The following C10orf90 variants were observed in gnomAD, a reference collection of about 807,000 sequenced individuals.
C10orf90 encodes the protein (E2-independent) E3 ubiquitin-conjugating enzyme FATS.
In C10orf90, 56 loss-of-function variants were observed where a neutral mutation model predicts 62.5. The observed-to-expected ratio is 0.90, with a 90% confidence interval of 0.72 to 1.12. The LOEUF (loss-of-function observed/expected upper bound fraction) is 1.12, where lower values mean the gene tolerates loss of function less well. Among genes scored for constraint, C10orf90 ranks in the 50% most tolerant of loss-of-function variants. The pLI, the probability that C10orf90 is intolerant of heterozygous loss-of-function variation, is 0.00. For synonymous variants in C10orf90, 386 were observed against 340.4 expected (o/e 1.13, Z -1.47); for missense variants, 970 against 880.4 (o/e 1.10, Z -1.29).
intron 2 of C10orf90, among the ~76,000 whole-genome samples, chr10:126,609,371 C>G (rs1037089853): frequency 6.6e-6 from 1 of 152,184 alleles, no homozygotes; most frequent in South Asian, 2.1e-4. Context: ...CCATTGCACT[C>G]CAGCCTGGGC....
rs769865231 is a variant in C10orf90 at position 126,504,987 on chromosome 10, G to A, written c.504C>T (p.Pro168=). 1.2e-6 allele frequency: 2 copies of A among 1,614,232 alleles called. No individual in the cohort carries two copies. The highest frequency in any genetic ancestry group is 1.7e-6 in the Non-Finnish European group (2 of 1,180,036). ...NKSRENRASL[P]LPCAIAQSRA... is the part of the protein sequence containing the mutation. ...GAGACTGAGCAATGGCACACGGTAG[G>A]GGCAAGGAGGCCCTGTTTTCTCTTG... The change falls in exon 4 of 10, where the codon CCC becomes CCT. Residue 168 remains proline, a synonymous_variant. Coordinates refer to ENST00000488181, the MANE Select transcript of C10orf90 (RefSeq NM_001350921.2). The surrounding 1 kb of genome is among the most constrained non-coding windows in gnomAD (Gnocchi z 4.1).
chr10:126,609,017 T>C (rs1247244435), intron 2 of C10orf90, among the ~76,000 whole-genome samples: 4 of 152,216 alleles, frequency 2.6e-5, no homozygotes, highest in Admixed American at 6.5e-5. Context: ...ATTCTGTCCC[T>C]GCCACTTACA....
intron 1 of C10orf90, among the ~76,000 whole-genome samples, chr10:126,657,409 C>T (rs1396257844): frequency 3.9e-5 from 6 of 152,174 alleles, no homozygotes; most frequent in African/African-American, 7.2e-5. Flanking sequence ...AGTACAACAA[C>T]GTTTGTCCCT....
chr10:126,452,609 T>C (rs1859277052), intron 7 of C10orf90, among the ~76,000 whole-genome samples: 1 of 152,214 alleles, frequency 6.6e-6, no homozygotes, highest in African/African-American at 2.4e-5. Context: ...TGTTTTTACC[T>C]TACATTATTT....
chr10:126,504,307 G>T lies in C10orf90; in HGVS notation c.1184C>A (p.Ser395Tyr). The change falls in exon 4 of 10, where the codon TCC (serine) becomes TAC (tyrosine). Residue 395 changes from serine (S) to tyrosine (Y), a missense_variant. Ser to Tyr is a moderately radical substitution (Grantham distance 144). Coordinates refer to ENST00000488181, the MANE Select transcript of C10orf90 (RefSeq NM_001350921.2). The surrounding 1 kb of genome is among the most constrained non-coding windows in gnomAD (Gnocchi z 4.1). ...SVLSLNLNCS[S>Y]HRLTADGVDG... ...TACTCCATCTGCTGTTAATCTGTGG[G>T]AACTACAATTGAGGTTGAGCGACAG... The T allele has an allele frequency of 6.2e-7, 1 of 1,614,166 alleles. No homozygotes were observed. The highest frequency in any genetic ancestry group is 8.5e-7 in the Non-Finnish European group (1 of 1,180,036).
intron 2 of C10orf90, among the ~76,000 whole-genome samples, chr10:126,559,779 T>C (rs1006996682): frequency 1.3e-5 from 2 of 152,248 alleles, no homozygotes; most frequent in Non-Finnish European, 2.9e-5. Flanking sequence ...GGATACTTTA[T>C]ATAACAGCTT....
intron 2 of C10orf90, among the ~76,000 whole-genome samples, chr10:126,601,237 C>A (rs1157946327): frequency 6.6e-6 from 1 of 152,138 alleles, no homozygotes; most frequent in Non-Finnish European, 1.5e-5. Context: ...TACAAACCAG[C>A]ACATGTGTGG....
chr10:126,667,770 T>C (rs1846662003), intron 1 of C10orf90, among the ~76,000 whole-genome samples: 1 of 152,162 alleles, frequency 6.6e-6, no homozygotes, highest in Admixed American at 6.5e-5. Context: ...GCTCATCCCA[T>C]CCTCCAGTTA....
At chr10:126,470,549 G>A (rs780229444) in intron 4 of C10orf90, among the ~76,000 whole-genome samples, 9 of 151,092 alleles carry the variant, frequency 6.0e-5, no homozygotes, top group Non-Finnish European at 1.2e-4. Flanking sequence ...GGGCAATATA[G>A]TAAGACCCTA....
At chr10:126,457,682 C>T (rs1348111390) in intron 7 of C10orf90, among the ~76,000 whole-genome samples, 1 of 152,110 alleles carries the variant, frequency 6.6e-6, no homozygotes, top group African/African-American at 2.4e-5. Context: ...GCTGAGGGGC[C>T]CACACAGCCT....
chr10:126,503,815 G>A, intron 4 of C10orf90, 142 bp downstream of exon 4: 2 of 1,034,490 alleles, frequency 1.9e-6, no homozygotes, highest in Admixed American at 3.1e-5. Flanking sequence ...GCTATCAGTT[G>A]TCAACTATGA....
chr10:126,596,548 C>T (rs745545911), intron 2 of C10orf90, among the ~76,000 whole-genome samples: 1 of 152,132 alleles, frequency 6.6e-6, no homozygotes, highest in South Asian at 2.1e-4. Context: ...GTCAAAAATG[C>T]ATTTAATTCA....
At chr10:126,540,654 G>C (rs1180070424) in intron 2 of C10orf90, among the ~76,000 whole-genome samples, 1 of 131,716 alleles carries the variant, frequency 7.6e-6, no homozygotes, top group East Asian at 2.2e-4. Flanking sequence ...GTGACAAAGT[G>C]AGACCTTGTC....
At chr10:126,584,722 T>C (rs1844825644) in intron 2 of C10orf90, among the ~76,000 whole-genome samples, 1 of 152,194 alleles carries the variant, frequency 6.6e-6, no homozygotes, top group Non-Finnish European at 1.5e-5. Context: ...AGCTGATTTC[T>C]GGAACTTGGA....
intron 3 of C10orf90, among the ~76,000 whole-genome samples, chr10:126,507,706 C>T (rs1346784748): frequency 2.0e-5 from 3 of 152,092 alleles, no homozygotes; most frequent in Non-Finnish European, 4.4e-5. Flanking sequence ...GGGAACTCAT[C>T]CAAACTCTAA....
At chr10:126,648,447 A>G (rs539326117) in intron 1 of C10orf90, among the ~76,000 whole-genome samples, 4 of 152,360 alleles carry the variant, frequency 2.6e-5, no homozygotes, top group Middle Eastern at 6.8e-3. Context: ...ATGGTCTGTT[A>G]TAGCAGCACA....
At chr10:126,459,363 G>T in intron 6 of C10orf90, 146 bp from the exon 7 acceptor site, 3 of 885,476 alleles carry the variant, frequency 3.4e-6, no homozygotes, top group Non-Finnish European at 5.3e-6. Context: ...CGCTTTTCTT[G>T]CACATCTTTG....
At chr10:126,584,076 T>C (rs1844808104) in intron 2 of C10orf90, among the ~76,000 whole-genome samples, 1 of 152,136 alleles carries the variant, frequency 6.6e-6, no homozygotes. Context: ...GCTGTGATGG[T>C]GCCACTGCCC....
rs7093032 is a variant in C10orf90, at chr10:126,638,829, C to T, written c.313+7736G>A. On this transcript the variant is annotated intron_variant, in intron 2 of 9. Coordinates refer to ENST00000488181, the MANE Select transcript of C10orf90 (RefSeq NM_001350921.2). ...GTTCCTCAGTGCAGTCCTCACGGAG[C>T]CCTCCTCCCTGGAGCCATGAGCGTA... Among the ~76,000 whole-genome samples the T allele has an allele frequency of 3.3e-3, 509 of 152,294 alleles. 3 individuals are homozygous for T. Among genetic ancestry groups the T allele is most frequent in the African/African-American group, 0.012 (497 of 41,560 alleles).
Sources: gnomAD v4.1 joint callset for allele counts (sites outside exome capture counted in the v4.1 genomes callset) on GRCh38, gnomAD v4.1.1 for gene constraint, Gnocchi (gnomAD v3.1) non-coding constraint, MANE v1.5 for transcripts, NCBI Gene and HGNC (gene_info 2026-07-23, HGNC 2026-07-21) for gene names.